The following CACNA1A variants were observed in gnomAD, a reference collection of about 807,000 sequenced individuals.
CACNA1A encodes the protein voltage-dependent P/Q-type calcium channel subunit alpha-1A.
In CACNA1A, 57 loss-of-function variants were observed where a neutral mutation model predicts 262.4. That is an observed-to-expected ratio of 0.22 (90% CI 0.18 to 0.27). CACNA1A has a LOEUF of 0.27. Among genes scored for constraint, CACNA1A ranks in the 10% least tolerant of loss-of-function variants. The pLI is 1.00. For synonymous variants in CACNA1A, 1,431 were observed against 1,419.3 expected, an observed-to-expected ratio of 1.01 and a Z score of -0.18; for missense variants, 2,526 against 3,562.8, an observed-to-expected ratio of 0.71 and a Z score of 7.41.
At chr19:13,346,664 A>ATTTTTT (rs2058791869) in intron 6 of CACNA1A, among the ~76,000 whole-genome samples, 1 of 5,754 alleles carries the variant, frequency 1.7e-4, no homozygotes, top group Non-Finnish European at 2.7e-4. Context: ...ATATATATAT[A>ATTTTTT]TATTTTTTTT....
intron 17 of CACNA1A, among the ~76,000 whole-genome samples, chr19:13,302,212 C>G (rs1275939554): frequency 6.6e-6 from 1 of 152,180 alleles, no homozygotes; most frequent in East Asian, 1.9e-4. Context: ...AAAATTCCAA[C>G]TCTCCCTGAC....
intron 15 of CACNA1A, among the ~76,000 whole-genome samples, chr19:13,305,192 G>A (rs2057875837): frequency 6.6e-6 from 1 of 152,216 alleles, no homozygotes; most frequent in African/African-American, 2.4e-5. Flanking sequence ...TCTTGCTGGG[G>A]AGCTCTAGGG....
intron 6 of CACNA1A, among the ~76,000 whole-genome samples, chr19:13,346,623 T>C (rs2058769203): frequency 5.4e-4 from 2 of 3,692 alleles, no homozygotes; most frequent in African/African-American, 2.4e-3. Flanking sequence ...TGATTATATA[T>C]ATATATATAT....
chr19:13,360,716 G>A (rs981778633), intron 5 of CACNA1A, among the ~76,000 whole-genome samples: 4 of 152,086 alleles, frequency 2.6e-5, no homozygotes, highest in Non-Finnish European at 4.4e-5. Flanking sequence ...GACCTCAAGT[G>A]ATCCGCCCGC....
chr19:13,209,699 G>A (rs2054730879), intron 44 of CACNA1A, among the ~76,000 whole-genome samples: 1 of 152,184 alleles, frequency 6.6e-6, no homozygotes. Flanking sequence ...GCCTCTGAGG[G>A]TGGAGCCTGA....
At chr19:13,312,613 T>G in intron 12 of CACNA1A, 56 bp downstream of exon 12, 1 of 999,682 alleles carries the variant, frequency 1.0e-6, no homozygotes, top group Non-Finnish European at 1.5e-6. Context: ...TGTCCAGGTA[T>G]CTGTCATTCC....
chr19:13,391,277 G>A (rs1222500612), intron 3 of CACNA1A, among the ~76,000 whole-genome samples: 1 of 152,132 alleles, frequency 6.6e-6, no homozygotes, highest in Non-Finnish European at 1.5e-5. Context: ...TTCAGTGGAG[G>A]AAGTCCTTCT....
At chr19:13,242,539 AC>A (rs2083031885) in intron 31 of CACNA1A, among the ~76,000 whole-genome samples, 1 of 151,912 alleles carries the variant, frequency 6.6e-6, no homozygotes, top group African/African-American at 2.4e-5. Context: ...CAAGTGATCC[AC>A]CTGCCTTGGT....
chr19:13,334,171 TA>T (rs1450047397), intron 8 of CACNA1A: 1 of 538,150 alleles, frequency 1.9e-6, no homozygotes, highest in East Asian at 3.0e-5. Context: ...GAATTCAAGT[TA>T]CGTGATGTCA....
chr19:13,379,651 C>T (rs1008637491), intron 3 of CACNA1A, among the ~76,000 whole-genome samples: 6 of 152,066 alleles, frequency 3.9e-5, no homozygotes, highest in African/African-American at 1.2e-4. Context: ...CAGGGCCGGG[C>T]GCGGTGGCTC....
intron 3 of CACNA1A, among the ~76,000 whole-genome samples, chr19:13,376,844 T>C (rs1227845824): frequency 6.8e-6 from 1 of 146,026 alleles, no homozygotes; most frequent in Non-Finnish European, 1.5e-5. Context: ...TTATATGTGA[T>C]ATATAACACA....
chr19:13,345,509 C>T (rs2058748418), intron 6 of CACNA1A, among the ~76,000 whole-genome samples: 1 of 152,188 alleles, frequency 6.6e-6, no homozygotes, highest in Non-Finnish European at 1.5e-5. Flanking sequence ...ATCAAACAAA[C>T]TAATGGCTGA....
At chr19:13,295,712 C>A (rs2057652594) in intron 19 of CACNA1A, among the ~76,000 whole-genome samples, 1 of 152,046 alleles carries the variant, frequency 6.6e-6, no homozygotes, top group Non-Finnish European at 1.5e-5. Flanking sequence ...CCAGGTTGGT[C>A]TCGAACTCCT....
At chr19:13,312,595 C>T (rs2058055972) in intron 12 of CACNA1A, 74 bp downstream of exon 12, 16 of 861,004 alleles carry the variant, frequency 1.9e-5, no homozygotes, top group Non-Finnish European at 3.0e-5. Context: ...ACCTTTCTCC[C>T]TTTAATGTGT....
chr19:13,427,453 A>AAAATAAATAAATAAATAAAT (rs58681300), intron 3 of CACNA1A, among the ~76,000 whole-genome samples: 50 of 136,252 alleles, frequency 3.7e-4, no homozygotes, highest in South Asian at 9.6e-4. Context: ...ACTCCATCTC[A>AAAATAAATAAATAAATAAAT]AAATAAATAA....
chr19:13,439,579 TG>T (rs1464002443), intron 3 of CACNA1A, among the ~76,000 whole-genome samples: 9 of 150,314 alleles, frequency 6.0e-5, no homozygotes, highest in African/African-American at 9.8e-5. Flanking sequence ...TTTTTTTTTT[TG>T]TTTTGTATTT....
At chr19:13,440,189 G>C (rs73507082) in intron 3 of CACNA1A, among the ~76,000 whole-genome samples, 4,617 of 152,010 alleles carry the variant, frequency 0.03, 214 homozygotes, top group African/African-American at 0.1. Flanking sequence ...AAACTCCTGG[G>C]CTTGGCTCAA....
At chr19:13,394,684 G>A (rs1432603629) in intron 3 of CACNA1A, among the ~76,000 whole-genome samples, 2 of 152,142 alleles carry the variant, frequency 1.3e-5, no homozygotes, top group African/African-American at 2.4e-5. Context: ...CACTGTGGGA[G>A]GTGGGCGCCT....
chr19:13,287,912 C>T (rs1415243478), intron 19 of CACNA1A, among the ~76,000 whole-genome samples: 1 of 151,402 alleles, frequency 6.6e-6, no homozygotes, highest in Non-Finnish European at 1.5e-5. Context: ...CAGTGATCCT[C>T]CCATCTCAGC....
Sources: allele counts gnomAD v4.1 joint callset (sites outside exome capture counted in the v4.1 genomes callset), GRCh38; gene constraint gnomAD v4.1.1; transcripts MANE v1.5; gene names NCBI Gene and HGNC (gene_info 2026-07-23, HGNC 2026-07-21).